Variants in RFFL observed in about 807,000 individuals in gnomAD.
The protein encoded by RFFL is ring finger and FYVE like domain containing E3 ubiquitin protein ligase, also known as E3 ubiquitin-protein ligase rififylin.
A neutral mutation model predicts 40.4 loss-of-function variants in RFFL; 16 were observed. The ratio of observed to expected loss-of-function variants is 0.40; its 90% CI spans 0.27 to 0.60. The LOEUF (loss-of-function observed/expected upper bound fraction) is 0.60, where lower values mean the gene tolerates loss of function less well. Ranked by LOEUF, RFFL falls within the 20% of genes least tolerant of loss-of-function variation. RFFL has a pLI of 0.47. For missense variants in RFFL, 367 were observed against 451.7 expected (o/e 0.81, Z 1.70); for synonymous variants, 154 against 167.9 (o/e 0.92, Z 0.64).
At chr17:35,065,656 T>C (rs1471203604), upstream of RFFL, among the ~76,000 whole-genome samples, 1 of 150,994 alleles carries the variant, frequency 6.6e-6, no homozygotes, top group Admixed American at 6.6e-5. Context: ...GCCAAAGGCA[T>C]GGAACTCCTA....
At chr17:35,026,112 CAA>C (rs1312889833) in intron 2 of RFFL, among the ~76,000 whole-genome samples, 1 of 152,208 alleles carries the variant, frequency 6.6e-6, no homozygotes, top group African/African-American at 2.4e-5. Context: ...AACTGAATCT[CAA>C]GAGAGGTTAG....
At chr17:35,026,628 C>G in intron 1 of RFFL, 67 bp from the exon 2 acceptor site, 2 of 1,328,416 alleles carry the variant, frequency 1.5e-6, no homozygotes, top group Non-Finnish European at 2.1e-6. Context: ...TTTTGATGTC[C>G]GAGAGCACAG....
chr17:35,015,320 A>G (rs1222259649), intron 5 of RFFL, among the ~76,000 whole-genome samples: 1 of 152,238 alleles, frequency 6.6e-6, no homozygotes, highest in African/African-American at 2.4e-5. Context: ...TGCCAAGTAG[A>G]AGGATACTGT....
intron 1 of RFFL, among the ~76,000 whole-genome samples, chr17:35,051,030 ATT>A: frequency 6.6e-6 from 1 of 152,360 alleles, no homozygotes; most frequent in South Asian, 2.1e-4. Context: ...AAAATTTCCC[ATT>A]GTTATTTAAA....
At chr17:35,059,570 T>C (rs544306072) in intron 1 of RFFL, among the ~76,000 whole-genome samples, 14 of 152,324 alleles carry the variant, frequency 9.2e-5, no homozygotes, top group South Asian at 2.1e-4. Flanking sequence ...TGTCACACAA[T>C]AGACAACTGA....
intron 2 of RFFL, 70 bp from the exon 3 acceptor site, chr17:35,021,851 T>TCTGAAGCTCCCA: frequency 1.3e-6 from 2 of 1,492,132 alleles, no homozygotes; most frequent in Non-Finnish European, 1.9e-6. Context: ...CGATGGGAGC[T>TCTGAAGCTCCCA]TCAGAGCTGC....
At chr17:35,053,998 A>C (rs1425755160) in intron 1 of RFFL, among the ~76,000 whole-genome samples, 1 of 152,190 alleles carries the variant, frequency 6.6e-6, no homozygotes, top group Non-Finnish European at 1.5e-5. Context: ...ACATTTTGTG[A>C]CCCAAGACTA....
chr17:35,085,775 AG>A (rs1250494600), intron 1 of RFFL, among the ~76,000 whole-genome samples: 5 of 152,234 alleles, frequency 3.3e-5, no homozygotes, highest in Non-Finnish European at 7.3e-5. Context: ...AAAAACATGC[AG>A]GACTCTTTTA....
At chr17:35,040,865 GGTGTGTGT>G (rs10578625) in intron 1 of RFFL, among the ~76,000 whole-genome samples, 1 of 63,832 alleles carries the variant, frequency 1.6e-5, no homozygotes, top group African/African-American at 6.4e-5. Context: ...TTTTTTTTTT[GGTGTGTGT>G]GTGTGTGTGT....
chr17:35,039,862 A>T (rs571320234), intron 1 of RFFL, among the ~76,000 whole-genome samples: 1 of 152,008 alleles, frequency 6.6e-6, no homozygotes, highest in South Asian at 2.1e-4. Flanking sequence ...TTTTTAGTAG[A>T]GACGGCTTCT....
exon 1 of RFFL, chr17:35,089,135 A>C (rs184873347): frequency 6.6e-6 from 1 of 151,772 alleles, no homozygotes. Context: ...GCCGGCACCT[A>C]GGAGAGGAGG....
intron 1 of RFFL, among the ~76,000 whole-genome samples, chr17:35,028,848 C>G (rs2091062143): frequency 6.6e-6 from 1 of 151,920 alleles, no homozygotes; most frequent in South Asian, 2.1e-4. Flanking sequence ...TTTTAGCTTT[C>G]CAACACTGCC....
intron 1 of RFFL, among the ~76,000 whole-genome samples, chr17:35,049,304 GCA>G (rs111976707): frequency 4.0e-5 from 6 of 149,720 alleles, no homozygotes; most frequent in Non-Finnish European, 6.0e-5. Flanking sequence ...GGTACAGAAT[GCA>G]CACACACACA....
At chr17:35,018,027 C>T (rs1470879280) in intron 3 of RFFL, among the ~76,000 whole-genome samples, 1 of 152,142 alleles carries the variant, frequency 6.6e-6, no homozygotes, top group African/African-American at 2.4e-5. Flanking sequence ...CTCCTCAGAC[C>T]ATAGTCTCCT....
At chr17:35,020,809 AC>A (rs2091003691) in intron 3 of RFFL, among the ~76,000 whole-genome samples, 1 of 152,024 alleles carries the variant, frequency 6.6e-6, no homozygotes, top group Non-Finnish European at 1.5e-5. Context: ...TTAGCTTACC[AC>A]TTCCAAGCCC....
intron 1 of RFFL, among the ~76,000 whole-genome samples, chr17:35,058,463 T>C (rs538243070): frequency 2.0e-5 from 3 of 152,290 alleles, no homozygotes; most frequent in South Asian, 2.1e-4. Context: ...AAGGTCAGTG[T>C]GGTAAATTGT....
upstream of RFFL, among the ~76,000 whole-genome samples, chr17:35,066,426 C>CAGATACAGATACAG (rs1446485023): frequency 6.6e-6 from 1 of 152,156 alleles, no homozygotes; most frequent in Admixed American, 6.5e-5. Flanking sequence ...TTACCAAATA[C>CAGATACAGATACAG]ATACAGAAGA....
intron 1 of RFFL, among the ~76,000 whole-genome samples, chr17:35,032,094 CAAAAAAA>C (rs11308568): frequency 1.2e-5 from 1 of 82,170 alleles, no homozygotes; most frequent in Non-Finnish European, 2.9e-5. Flanking sequence ...GACTCCGTCT[CAAAAAAA>C]AAAAAAAAAA....
chr17:35,046,803 T>C (rs1285981396), intron 1 of RFFL, among the ~76,000 whole-genome samples: 1 of 152,212 alleles, frequency 6.6e-6, no homozygotes, highest in Non-Finnish European at 1.5e-5. Flanking sequence ...ATATCACCCC[T>C]GGGGTCTGAC....
Sources: gnomAD v4.1 joint callset for allele counts (sites outside exome capture counted in the v4.1 genomes callset) on GRCh38, gnomAD v4.1.1 for gene constraint, MANE v1.5 for transcripts, NCBI Gene and HGNC (gene_info 2026-07-23, HGNC 2026-07-21) for gene names.